STAG1: variants seen among roughly 807,000 people sequenced by gnomAD.
The protein encoded by STAG1 is cohesin subunit SA-1.
In STAG1, 26 loss-of-function variants were observed where a neutral mutation model predicts 170.9. The observed-to-expected ratio is 0.15, with a 90% CI of 0.11 to 0.21. The LOEUF (loss-of-function observed/expected upper bound fraction) is 0.21, where lower values mean the gene tolerates loss of function less well. Ranked by LOEUF, STAG1 falls within the 10% of genes least tolerant of loss-of-function variation. The pLI, the probability that STAG1 is intolerant of heterozygous loss-of-function variation, is 1.00. For missense variants in STAG1, 964 were observed against 1,509.5 expected, an observed-to-expected ratio of 0.64 and a Z score of 5.99; for synonymous variants, 514 against 497.7, an observed-to-expected ratio of 1.03 and a Z score of -0.44.
intron 7 of STAG1, among the ~76,000 whole-genome samples, chr3:136,516,108 T>C (rs1036059058): frequency 2.0e-5 from 3 of 152,210 alleles, no homozygotes; most frequent in Admixed American, 1.3e-4. Flanking sequence ...CAGATTGCTC[T>C]AAAATTTTCA....
At chr3:136,512,265 C>T (rs867249205) in intron 7 of STAG1, among the ~76,000 whole-genome samples, 1 of 152,038 alleles carries the variant, frequency 6.6e-6, no homozygotes, top group Non-Finnish European at 1.5e-5. Context: ...GTAATCATGC[C>T]ACTGCACTCC....
intron 1 of STAG1, among the ~76,000 whole-genome samples, chr3:136,660,680 G>T (rs367608536): frequency 1.3e-5 from 2 of 151,932 alleles, no homozygotes; most frequent in African/African-American, 4.8e-5. Flanking sequence ...TTTTAAACCT[G>T]GGGACTGGCG....
chr3:136,657,751 G>A (rs549963974), intron 1 of STAG1, among the ~76,000 whole-genome samples: 1 of 152,264 alleles, frequency 6.6e-6, no homozygotes, highest in Admixed American at 6.5e-5. Context: ...GAGCCTGGAA[G>A]GCACAGGTTG....
At chr3:136,403,264 GAAAAAA>G (rs1285780395) in intron 21 of STAG1, among the ~76,000 whole-genome samples, 1 of 89,782 alleles carries the variant, frequency 1.1e-5, no homozygotes, top group African/African-American at 4.2e-5. Context: ...GAAAAGAAAA[GAAAAAA>G]AAAAGAAAAA....
At chr3:136,734,202 C>T (rs2107943306) in intron 1 of STAG1, among the ~76,000 whole-genome samples, 1 of 151,840 alleles carries the variant, frequency 6.6e-6, no homozygotes, top group South Asian at 2.1e-4. Context: ...AGAATAGGGG[C>T]TGACTACCTC....
intron 1 of STAG1, among the ~76,000 whole-genome samples, chr3:136,676,730 T>TTTTG (rs545500564): frequency 0.074 from 11,267 of 152,144 alleles, 554 homozygotes; most frequent in South Asian, 0.12. Flanking sequence ...GATTACAAGT[T>TTTTG]TTTGTTTGTT....
At chr3:136,560,969 T>C (rs1936815952) in intron 5 of STAG1, among the ~76,000 whole-genome samples, 1 of 152,126 alleles carries the variant, frequency 6.6e-6, no homozygotes, top group African/African-American at 2.4e-5. Context: ...TGCCTTTCCT[T>C]GCTCTCTTCC....
intron 1 of STAG1, among the ~76,000 whole-genome samples, chr3:136,731,733 T>C (rs1279338887): frequency 6.6e-6 from 1 of 152,216 alleles, no homozygotes; most frequent in Non-Finnish European, 1.5e-5. Flanking sequence ...GATGAATGAC[T>C]CAATGAGCAA....
intron 16 of STAG1, among the ~76,000 whole-genome samples, chr3:136,423,853 C>CT (rs1202281018): frequency 1.7e-3 from 247 of 145,126 alleles, no homozygotes; most frequent in South Asian, 8.8e-3. Context: ...ATTGTTCAGT[C>CT]TTTTTTTTTT....
intron 25 of STAG1, 43 bp downstream of exon 25, chr3:136,366,899 CT>C: frequency 2.0e-6 from 3 of 1,499,590 alleles, no homozygotes; most frequent in Non-Finnish European, 2.7e-6. Flanking sequence ...GCTAATTTCT[CT>C]GCCAGTTAGA....
At chr3:136,584,801 C>T (rs1323657552) in intron 4 of STAG1, among the ~76,000 whole-genome samples, 1 of 152,176 alleles carries the variant, frequency 6.6e-6, no homozygotes, top group African/African-American at 2.4e-5. Flanking sequence ...GTCCTCTCTG[C>T]ATCCAGTTAG....
At chr3:136,593,454 T>C (rs972564127) in intron 4 of STAG1, among the ~76,000 whole-genome samples, 2 of 152,316 alleles carry the variant, frequency 1.3e-5, no homozygotes, top group Admixed American at 6.5e-5. Flanking sequence ...CTGCCTCCCA[T>C]TGTGCTGCCT....
At chr3:136,650,440 C>G (rs991712032) in intron 1 of STAG1, among the ~76,000 whole-genome samples, 29 of 152,134 alleles carry the variant, frequency 1.9e-4, no homozygotes, top group African/African-American at 6.8e-4. Context: ...GCTTTTGCAT[C>G]TCCATACATA....
intron 3 of STAG1, among the ~76,000 whole-genome samples, chr3:136,609,960 A>T (rs1461021586): frequency 2.0e-5 from 3 of 150,876 alleles, no homozygotes; most frequent in East Asian, 1.9e-4. Context: ...TCCTGAATTT[A>T]AAAAAAAAAT....
chr3:136,505,560 T>C (rs988981087), intron 7 of STAG1, among the ~76,000 whole-genome samples: 7 of 152,248 alleles, frequency 4.6e-5, no homozygotes, highest in African/African-American at 1.7e-4. Flanking sequence ...AATTAAAAAC[T>C]AGTCATTCAT....
At chr3:136,521,625 A>G (rs1218319352) in intron 6 of STAG1, among the ~76,000 whole-genome samples, 1 of 152,170 alleles carries the variant, frequency 6.6e-6, no homozygotes, top group Non-Finnish European at 1.5e-5. Flanking sequence ...CAAAATTACT[A>G]TTTTAGAACC....
At chr3:136,338,610 T>C (rs577946182) in intron 32 of STAG1, among the ~76,000 whole-genome samples, 160 bp from the exon 33 acceptor site, 2 of 152,372 alleles carry the variant, frequency 1.3e-5, no homozygotes, top group South Asian at 2.1e-4. Flanking sequence ...GAAATAGATT[T>C]TTTAAAAACA....
chr3:136,440,950 T>G (rs1430507940), intron 15 of STAG1, among the ~76,000 whole-genome samples: 4 of 151,226 alleles, frequency 2.6e-5, no homozygotes, highest in African/African-American at 9.7e-5. Flanking sequence ...ATCACAAAAG[T>G]GAAGGGAATT....
At chr3:136,469,481 A>C (rs1307761624) in intron 12 of STAG1, among the ~76,000 whole-genome samples, 2 of 152,230 alleles carry the variant, frequency 1.3e-5, no homozygotes, top group African/African-American at 4.8e-5. Context: ...AATGAAATAA[A>C]AGACGACACA....
Sources: gnomAD v4.1 joint callset for allele counts (sites outside exome capture counted in the v4.1 genomes callset) on GRCh38, gnomAD v4.1.1 for gene constraint, MANE v1.5 for transcripts, NCBI Gene and HGNC (gene_info 2026-07-23, HGNC 2026-07-21) for gene names.